CSMD1: variants seen among roughly 807,000 people sequenced by gnomAD.
CSMD1 encodes CUB and Sushi multiple domains 1.
CSMD1 carries 213 observed loss-of-function variants against 417.5 expected under a neutral mutation model. The ratio of observed to expected loss-of-function variants is 0.51; its 90% confidence interval spans 0.46 to 0.57. The LOEUF (loss-of-function observed/expected upper bound fraction) is 0.57. Ranked by LOEUF, CSMD1 falls within the 20% of genes least tolerant of loss-of-function variation. CSMD1 has a pLI of 0.00. For synonymous variants in CSMD1, 2,862 were observed against 1,736.8 expected, an observed-to-expected ratio of 1.65 and a Z score of -16.11; for missense variants, 6,923 against 4,529.7, an observed-to-expected ratio of 1.53 and a Z score of -15.17.
At chr8:4,406,898 G>A (rs1805063938) in intron 3 of CSMD1, among the ~76,000 whole-genome samples, 1 of 152,140 alleles carries the variant, frequency 6.6e-6, no homozygotes, top group African/African-American at 2.4e-5. Flanking sequence ...TTTCTCTATT[G>A]TGCATTGAGA....
intron 3 of CSMD1, among the ~76,000 whole-genome samples, chr8:4,402,093 T>A (rs73658849): frequency 0.04 from 6,157 of 152,138 alleles, 432 homozygotes; most frequent in African/African-American, 0.14. Flanking sequence ...CTCAACCTCC[T>A]CCCCTTCCGA....
chr8:4,710,518 T>C (rs1421628192), intron 1 of CSMD1, among the ~76,000 whole-genome samples: 1 of 149,554 alleles, frequency 6.7e-6, no homozygotes, highest in East Asian at 2.0e-4. Context: ...TGAGTAAGTG[T>C]GCCAGGAGAA....
intron 3 of CSMD1, among the ~76,000 whole-genome samples, chr8:4,409,933 C>T (rs1395969510): frequency 6.6e-6 from 1 of 152,044 alleles, no homozygotes; most frequent in Middle Eastern, 3.4e-3. Flanking sequence ...CCTGCCTCAG[C>T]TTCCCAAGTA....
At chr8:4,544,141 A>C (rs1797534130) in intron 2 of CSMD1, among the ~76,000 whole-genome samples, 1 of 151,976 alleles carries the variant, frequency 6.6e-6, no homozygotes, top group Non-Finnish European at 1.5e-5. Context: ...AACTTAAATG[A>C]TTTTTTCATG....
intron 6 of CSMD1, among the ~76,000 whole-genome samples, chr8:3,728,275 G>A (rs1172474263): frequency 1.3e-5 from 2 of 152,118 alleles, no homozygotes; most frequent in African/African-American, 2.4e-5. Context: ...CCGCCACCAT[G>A]TAAGACATCC....
At chr8:3,249,009 G>A (rs533529330) in intron 26 of CSMD1, among the ~76,000 whole-genome samples, 1 of 152,208 alleles carries the variant, frequency 6.6e-6, no homozygotes, top group Non-Finnish European at 1.5e-5. Context: ...GAGCTCAGAT[G>A]CTGTAATTGT....
chr8:4,232,574 G>A (rs1714676), intron 3 of CSMD1, among the ~76,000 whole-genome samples: 9 of 151,504 alleles, frequency 5.9e-5, no homozygotes, highest in African/African-American at 1.9e-4. Context: ...AATGAGAAAT[G>A]TGAATGACTC....
intron 1 of CSMD1, among the ~76,000 whole-genome samples, chr8:4,896,543 A>T (rs1262217335): frequency 6.6e-6 from 1 of 152,102 alleles, no homozygotes; most frequent in East Asian, 1.9e-4. Context: ...ATGTCTTCAG[A>T]TACTTCCTTC....
intron 1 of CSMD1, among the ~76,000 whole-genome samples, chr8:4,870,630 C>G (rs1281145053): frequency 6.6e-6 from 1 of 152,050 alleles, no homozygotes; most frequent in Non-Finnish European, 1.5e-5. Flanking sequence ...GAGGTAAAAT[C>G]CCAGCGCACC....
Position 4,816,202 on chromosome 8 carries a change from T to TTG in CSMD1, c.85+178129_85+178130insCA, listed in dbSNP as rs1476882540. On this transcript the variant is annotated intron_variant, in intron 1 of 69. Coordinates refer to ENST00000635120, the MANE Select transcript of CSMD1 (RefSeq NM_033225.6). ...TCACACTTGTTATTTGCTTTTTTTT[T>TTG]GGGACAGAGTCTCGCTCTGTTGCCC... is the stretch of plus-strand genomic sequence containing the variant. Among the ~76,000 whole-genome samples the TTG allele has an allele frequency of 1.5e-4, 23 of 151,982 alleles. No individual in the cohort carries two copies. In the South Asian group the frequency reaches 2.5e-3, roughly 17 times the overall value.
intron 5 of CSMD1, among the ~76,000 whole-genome samples, chr8:3,946,554 C>T (rs1441063820): frequency 6.6e-6 from 1 of 152,044 alleles, no homozygotes; most frequent in South Asian, 2.1e-4. Flanking sequence ...TGTGTCAATT[C>T]CTAAAAACAA....
intron 2 of CSMD1, among the ~76,000 whole-genome samples, chr8:4,605,780 C>T (rs1339364302): frequency 6.6e-6 from 1 of 152,150 alleles, no homozygotes; most frequent in Non-Finnish European, 1.5e-5. Context: ...ATTGCAAGCT[C>T]ACCGGTCCAA....
At chr8:4,375,625 T>C (rs371528794) in intron 3 of CSMD1, among the ~76,000 whole-genome samples, 1 of 152,128 alleles carries the variant, frequency 6.6e-6, no homozygotes, top group South Asian at 2.1e-4. Flanking sequence ...CCACGTGGAA[T>C]TGTGGCTGTG....
intron 42 of CSMD1, among the ~76,000 whole-genome samples, chr8:3,111,288 C>G (rs1200413327): frequency 6.6e-6 from 1 of 152,202 alleles, no homozygotes; most frequent in Non-Finnish European, 1.5e-5. Flanking sequence ...TTGAACTGCA[C>G]AGATGTGTAT....
chr8:4,542,948 T>G (rs1797464341), intron 2 of CSMD1, among the ~76,000 whole-genome samples: 1 of 152,218 alleles, frequency 6.6e-6, no homozygotes. Context: ...CATACAGTTA[T>G]AATCATGGCA....
intron 3 of CSMD1, among the ~76,000 whole-genome samples, chr8:4,095,087 C>A (rs555860161): frequency 6.6e-6 from 1 of 152,140 alleles, no homozygotes; most frequent in Non-Finnish European, 1.5e-5. Flanking sequence ...ATTAATGTAA[C>A]TGCAGAGGAA....
chr8:3,809,006 T>C (rs984441100), intron 5 of CSMD1, among the ~76,000 whole-genome samples: 3 of 152,120 alleles, frequency 2.0e-5, no homozygotes, highest in Admixed American at 6.6e-5. Context: ...ATGACATGGA[T>C]GATTCAAGGA....
At chr8:3,053,532 C>T (rs1377849645) in intron 49 of CSMD1, among the ~76,000 whole-genome samples, 2 of 152,026 alleles carry the variant, frequency 1.3e-5, no homozygotes, top group African/African-American at 4.8e-5. Flanking sequence ...AGGAGGCACT[C>T]GGGGAAGATT....
chr8:4,435,078 A>T (rs536616245), intron 2 of CSMD1, among the ~76,000 whole-genome samples: 2 of 152,324 alleles, frequency 1.3e-5, no homozygotes, highest in African/African-American at 4.8e-5. Flanking sequence ...TCGGTGTAAT[A>T]AAAATGGAAG....
Sources: gnomAD v4.1 joint callset for allele counts (sites outside exome capture counted in the v4.1 genomes callset) on GRCh38, gnomAD v4.1.1 for gene constraint, MANE v1.5 for transcripts, NCBI Gene and HGNC (gene_info 2026-07-23, HGNC 2026-07-21) for gene names.